MTF2: variants seen among roughly 807,000 people sequenced by gnomAD.
MTF2 encodes metal-response element-binding transcription factor 2.
MTF2 carries 11 observed loss-of-function variants against 79.5 expected under a neutral mutation model. The ratio of observed to expected loss-of-function variants is 0.14; its 90% CI spans 0.09 to 0.23. The LOEUF (loss-of-function observed/expected upper bound fraction) is 0.23. Among genes scored for constraint, MTF2 ranks in the 10% least tolerant of loss-of-function variants. The pLI is 1.00. For missense variants in MTF2, 486 were observed against 711.2 expected (o/e 0.68, Z 3.60); for synonymous variants, 208 against 232.8 (o/e 0.89, Z 0.97).
At chr1:93,094,419 A>G (rs755673273) in intron 1 of MTF2, among the ~76,000 whole-genome samples, 2 of 151,116 alleles carry the variant, frequency 1.3e-5, no homozygotes, top group Non-Finnish European at 2.9e-5. Flanking sequence ...TTGTAGTCTT[A>G]TTATTCAGAT....
At position 93,119,416 on chromosome 1, in the gene MTF2, T is replaced by C; in HGVS notation, c.797+15T>C. 1 of 1,562,036 alleles carries C rather than the reference T, an allele frequency of 6.4e-7. No homozygotes were observed. Among genetic ancestry groups the C allele is most frequent in the Non-Finnish European group, 8.6e-7 (1 of 1,156,792 alleles). On this transcript the variant is annotated intron_variant, in intron 8 of 14. Transcript: ENST00000370298. Reference sequence around the variant, plus strand: ...CCATTACAGTGGTAAGTGTGGACCTTTCTGTTAAAAGAAAGAAAAGCCATT... The same window carrying C: ...CCATTACAGTGGTAAGTGTGGACCTCTCTGTTAAAAGAAAGAAAAGCCATT...
intron 1 of MTF2, among the ~76,000 whole-genome samples, chr1:93,095,284 T>C (rs1163891297): frequency 6.6e-6 from 1 of 152,190 alleles, no homozygotes; most frequent in Admixed American, 6.6e-5. Flanking sequence ...CAAGTGATCC[T>C]CACCTGGCTT....
chr1:93,096,957 T>C (rs1655316606), intron 1 of MTF2, among the ~76,000 whole-genome samples: 1 of 151,608 alleles, frequency 6.6e-6, no homozygotes, highest in Non-Finnish European at 1.5e-5. Context: ...CCTGCAGACA[T>C]GCACCACCAT....
At chr1:93,127,349 A>G in intron 10 of MTF2, 50 bp downstream of exon 10, 2 of 1,153,554 alleles carry the variant, frequency 1.7e-6, no homozygotes, top group South Asian at 2.5e-5. Flanking sequence ...TTTAGTAAGT[A>G]TAAGGAATAA....
chr1:93,106,837 A>G (rs1196410970), intron 1 of MTF2, among the ~76,000 whole-genome samples: 2 of 152,082 alleles, frequency 1.3e-5, no homozygotes, highest in African/African-American at 2.4e-5. Flanking sequence ...AGCTTTTTTC[A>G]AAGTTGATTG....
At chr1:93,105,864 C>T (rs962622516) in intron 1 of MTF2, among the ~76,000 whole-genome samples, 13 of 152,146 alleles carry the variant, frequency 8.5e-5, no homozygotes, top group African/African-American at 2.6e-4. Context: ...TAAGTAGAGA[C>T]GTGGTTTGGC....
chr1:93,126,482 T>C (rs998983888), intron 9 of MTF2, among the ~76,000 whole-genome samples: 2 of 1,398 alleles, frequency 1.4e-3, no homozygotes, highest in South Asian at 0.056. Flanking sequence ...TGGAAGCAGC[T>C]TTTTTTTTTT....
chr1:93,110,201 T>G, intron 1 of MTF2, 29 bp from the exon 2 acceptor site: 1 of 1,593,324 alleles, frequency 6.3e-7, no homozygotes, highest in Admixed American at 1.7e-5. Context: ...CAAGTAAGTC[T>G]TATGTATGGT....
intron 8 of MTF2, 56 bp from the exon 9 acceptor site, chr1:93,120,493 T>A: frequency 1.3e-6 from 2 of 1,491,156 alleles, no homozygotes; most frequent in Non-Finnish European, 1.8e-6. Flanking sequence ...AAACCGTGAT[T>A]TTTTAACAGT....
At chr1:93,136,137 A>G (rs2101102697) in intron 14 of MTF2, among the ~76,000 whole-genome samples, 1 of 152,274 alleles carries the variant, frequency 6.6e-6, no homozygotes, top group South Asian at 2.1e-4. Context: ...CAAGTAATAG[A>G]GTTAGGGATA....
chr1:93,118,835 G>A (rs1030898968), intron 7 of MTF2, among the ~76,000 whole-genome samples: 16 of 152,226 alleles, frequency 1.1e-4, no homozygotes, highest in African/African-American at 3.9e-4. Flanking sequence ...TTAGAAGAAT[G>A]CAGGGTAGCA....
At chr1:93,088,609 A>G (rs1382103386) in intron 1 of MTF2, among the ~76,000 whole-genome samples, 3 of 152,208 alleles carry the variant, frequency 2.0e-5, no homozygotes, top group Admixed American at 6.5e-5. Context: ...TTTCTTGCCC[A>G]GGCGGGAATG....
intron 1 of MTF2, among the ~76,000 whole-genome samples, chr1:93,106,746 C>CATGTTGG (rs1439518322): frequency 6.6e-6 from 1 of 152,170 alleles, no homozygotes; most frequent in Admixed American, 6.5e-5. Context: ...GTCTTGAACT[C>CATGTTGG]CCAGCCTCAG....
intron 1 of MTF2, among the ~76,000 whole-genome samples, chr1:93,105,051 G>C (rs1409970638): frequency 1.3e-5 from 2 of 150,524 alleles, no homozygotes. Context: ...GGCTGAGGCA[G>C]GAGAATGGCG....
chr1:93,109,553 T>C (rs1187841482), intron 1 of MTF2, among the ~76,000 whole-genome samples: 1 of 152,212 alleles, frequency 6.6e-6, no homozygotes, highest in Non-Finnish European at 1.5e-5. Flanking sequence ...CAGGCTGGTC[T>C]TGAACTCCTG....
intron 1 of MTF2, among the ~76,000 whole-genome samples, chr1:93,102,280 C>T (rs1324603007): frequency 6.6e-6 from 1 of 152,208 alleles, no homozygotes; most frequent in Non-Finnish European, 1.5e-5. Context: ...CAAAGAACAT[C>T]AACTGCAGTT....
chr1:93,136,423 C>G (rs1014609274), intron 14 of MTF2, among the ~76,000 whole-genome samples: 2 of 152,132 alleles, frequency 1.3e-5, no homozygotes, highest in African/African-American at 4.8e-5. Flanking sequence ...AAAAAAATTA[C>G]CCTAAACTTA....
intron 3 of MTF2, among the ~76,000 whole-genome samples, chr1:93,111,793 C>A (rs894710373): frequency 6.6e-6 from 1 of 152,124 alleles, no homozygotes; most frequent in African/African-American, 2.4e-5. Flanking sequence ...TTGAGCAGAT[C>A]TTACTACCCT....
intron 14 of MTF2, among the ~76,000 whole-genome samples, chr1:93,136,327 G>A (rs1647392557): frequency 6.6e-6 from 1 of 152,180 alleles, no homozygotes; most frequent in South Asian, 2.1e-4. Context: ...AAATGAATGA[G>A]CTCTTTTAAA....
Sources: allele counts gnomAD v4.1 joint callset (sites outside exome capture counted in the v4.1 genomes callset), GRCh38; gene constraint gnomAD v4.1.1; transcripts MANE v1.5; gene names NCBI Gene and HGNC (gene_info 2026-07-23, HGNC 2026-07-21).